CLNK: variants seen among roughly 807,000 people sequenced by gnomAD.
CLNK encodes the protein cytokine dependent hematopoietic cell linker, also known as cytokine-dependent hematopoietic cell linker.
In CLNK, 74 loss-of-function variants were observed where a neutral mutation model predicts 68.6. That is an observed-to-expected ratio of 1.08 (90% CI 0.89 to 1.31). The LOEUF is 1.31. Ranked by LOEUF, CLNK falls within the 50% of genes most tolerant of loss-of-function variation. The pLI is 0.00. For missense variants in CLNK, 553 were observed against 515.3 expected (o/e 1.07, Z -0.71); for synonymous variants, 198 against 172.2 (o/e 1.15, Z -1.17).
intron 7 of CLNK, 44 bp from the exon 8 acceptor site, chr4:10,558,496 A>G (rs771730717): frequency 1.6e-5 from 25 of 1,570,298 alleles, no homozygotes; most frequent in African/African-American, 2.7e-5. Context: ...AGTTGTGACT[A>G]TGACACTATC....
intron 8 of CLNK, among the ~76,000 whole-genome samples, chr4:10,545,296 C>T (rs890291114): frequency 6.6e-6 from 1 of 152,148 alleles, no homozygotes; most frequent in Admixed American, 6.5e-5. Context: ...GGTACACATT[C>T]CTATTCTAAA....
At chr4:10,684,629 T>C (rs1725200814) in intron 1 of CLNK, 39 bp downstream of exon 1, 1 of 152,140 alleles carries the variant, frequency 6.6e-6, no homozygotes, top group Non-Finnish European at 1.5e-5. Flanking sequence ...GAGATGACCA[T>C]GAGATCCTCA....
intron 17 of CLNK, among the ~76,000 whole-genome samples, chr4:10,506,839 G>A (rs552716300): frequency 5.9e-5 from 9 of 152,132 alleles, no homozygotes; most frequent in South Asian, 2.1e-4. Context: ...TCGCTCTGTC[G>A]CCCAGGCTGG....
intron 1 of CLNK, among the ~76,000 whole-genome samples, chr4:10,679,657 A>C (rs1725015207): frequency 6.6e-6 from 1 of 152,240 alleles, no homozygotes; most frequent in African/African-American, 2.4e-5. Flanking sequence ...ATGAACTCAA[A>C]CAAATTTACA....
intron 2 of CLNK, among the ~76,000 whole-genome samples, chr4:10,605,868 G>GA (rs1560238568): frequency 5.4e-5 from 8 of 148,310 alleles, no homozygotes; most frequent in Admixed American, 2.7e-4. Context: ...AAAAGAAAAG[G>GA]AAGTGGTATA....
At chr4:10,645,442 C>T (rs1324731060) in intron 2 of CLNK, among the ~76,000 whole-genome samples, 4 of 152,174 alleles carry the variant, frequency 2.6e-5, no homozygotes, top group South Asian at 2.1e-4. Context: ...CATTCCTCTC[C>T]TTTCGGAGGG....
intron 18 of CLNK, among the ~76,000 whole-genome samples, chr4:10,493,466 G>A (rs544511366): frequency 6.6e-6 from 1 of 152,304 alleles, no homozygotes; most frequent in Non-Finnish European, 1.5e-5. Flanking sequence ...CCTTAATGCT[G>A]TGTCCTCACA....
chr4:10,520,715 C>T (rs1423943606), intron 15 of CLNK, 76 bp downstream of exon 15: 2 of 1,129,608 alleles, frequency 1.8e-6, no homozygotes, highest in Non-Finnish European at 2.6e-6. Context: ...GGGTTCACAA[C>T]AGCTAAGTCA....
chr4:10,608,231 A>G (rs778309929), intron 2 of CLNK, among the ~76,000 whole-genome samples: 11 of 152,152 alleles, frequency 7.2e-5, no homozygotes, highest in Non-Finnish European at 1.2e-4. Context: ...CAACTCTTCA[A>G]TTTTGTTTTG....
At chr4:10,516,380 A>G (rs925592925) in intron 15 of CLNK, among the ~76,000 whole-genome samples, 1 of 152,184 alleles carries the variant, frequency 6.6e-6, no homozygotes, top group African/African-American at 2.4e-5. Flanking sequence ...TTGATCCACT[A>G]AATTTTTGAG....
chr4:10,492,989 C>A (rs1050616557), intron 18 of CLNK, among the ~76,000 whole-genome samples: 4 of 152,162 alleles, frequency 2.6e-5, no homozygotes, highest in Non-Finnish European at 5.9e-5. Flanking sequence ...AATGAGATAA[C>A]CTATGTGTCA....
the CLNK span, among the ~76,000 whole-genome samples, chr4:10,733,700 C>T: frequency 2.6e-5 from 4 of 152,226 alleles, no homozygotes; most frequent in Admixed American, 2.0e-4. Context: ...TGCTGTCCAT[C>T]TTCTTTTGCT....
chr4:10,514,180 A>G (rs1471686399), intron 15 of CLNK, among the ~76,000 whole-genome samples: 7 of 143,240 alleles, frequency 4.9e-5, no homozygotes, highest in African/African-American at 1.6e-4. Flanking sequence ...CCTACAAAGG[A>G]CATGAACTCA....
At chr4:10,517,517 G>A (rs1419252246) in intron 15 of CLNK, 2 of 152,134 alleles carry the variant, frequency 1.3e-5, no homozygotes, top group East Asian at 1.9e-4. Context: ...CTAACCAAGC[G>A]AAAGCAAACA....
At chr4:10,498,325 TA>T (rs1046968100) in intron 18 of CLNK, among the ~76,000 whole-genome samples, 1 of 151,266 alleles carries the variant, frequency 6.6e-6, no homozygotes, top group Non-Finnish European at 1.5e-5. Flanking sequence ...CCGTCTCTAC[TA>T]AAAAAATACA....
In CLNK at chr4:10,683,617, C is replaced by G. The variant is rs573545362; in HGVS notation, c.-43+1051G>C. ...AAACCAGGGAAAGTAATAGCCAGCTCTCTAGGTCAGCAGGAGCTGAAGGTA... is the reference window on the plus strand; with the variant it reads ...AAACCAGGGAAAGTAATAGCCAGCTGTCTAGGTCAGCAGGAGCTGAAGGTA... On this transcript the variant is annotated intron_variant, in intron 1 of 18. Coordinates refer to ENST00000226951, the MANE Select transcript of CLNK (RefSeq NM_052964.4). 2.0e-5 allele frequency among the ~76,000 whole-genome samples: 3 copies of G among 152,320 alleles called. No individual in the cohort carries two copies. In the South Asian group the frequency reaches 6.2e-4, roughly 32 times the overall value.
chr4:10,492,020 T>A (rs1354350791), intron 18 of CLNK, among the ~76,000 whole-genome samples: 3 of 152,200 alleles, frequency 2.0e-5, no homozygotes, highest in Non-Finnish European at 4.4e-5. Context: ...AGGAGTATAT[T>A]GGGAGATAAT....
chr4:10,553,055 G>T (rs1275574282), intron 8 of CLNK, among the ~76,000 whole-genome samples: 1 of 151,968 alleles, frequency 6.6e-6, no homozygotes, highest in African/African-American at 2.4e-5. Context: ...AAGAGGAGGG[G>T]GGGGCATGCA....
chr4:10,660,069 T>C (rs1029100010), intron 2 of CLNK, among the ~76,000 whole-genome samples: 3 of 152,242 alleles, frequency 2.0e-5, no homozygotes, highest in African/African-American at 7.2e-5. Flanking sequence ...TTTCTCTGTA[T>C]GTTTTTATAA....
Sources: allele counts gnomAD v4.1 joint callset (sites outside exome capture counted in the v4.1 genomes callset), GRCh38; gene constraint gnomAD v4.1.1; transcripts MANE v1.5; gene names NCBI Gene and HGNC (gene_info 2026-07-23, HGNC 2026-07-21).